The following CCNI variants were observed in gnomAD, a reference collection of about 807,000 sequenced individuals.
CCNI encodes the protein cyclin-I.
In CCNI, 14 loss-of-function variants were observed where a neutral mutation model predicts 34.1. The ratio of observed to expected loss-of-function variants is 0.41; its 90% CI spans 0.27 to 0.64. The LOEUF is 0.64. Ranked by LOEUF, CCNI falls within the 30% of genes least tolerant of loss-of-function variation. CCNI has a pLI of 0.31. For synonymous variants in CCNI, 154 were observed against 158.4 expected (o/e 0.97, Z 0.21); for missense variants, 385 against 440.5 (o/e 0.87, Z 1.13).
chr4:77,065,308 G>A (rs552380511), intron 2 of CCNI, among the ~76,000 whole-genome samples: 4 of 152,134 alleles, frequency 2.6e-5, no homozygotes, highest in African/African-American at 7.2e-5. Flanking sequence ...AAGAACATTT[G>A]ACCACTATTC....
In CCNI at chr4:77,075,520, C is replaced by T; in HGVS notation, c.-92G>A. 1.0e-6 allele frequency: 1 copy of T among 988,564 alleles called. No individual in the cohort carries two copies. Among genetic ancestry groups the T allele is most frequent in the Non-Finnish European group, 1.2e-6 (1 of 830,664 alleles). 61.2% of individuals were successfully genotyped at this position (988,564 alleles called of 1,614,324 possible). A position where few individuals can be genotyped will look rare whatever the true frequency, so the allele number is the denominator to read the frequency against. On this transcript the variant is annotated 5_prime_UTR_variant, in exon 1 of 7. Transcript: ENST00000237654. ...CCTCCTCCCCGGCAGAGCTGTAGGCCTCACAGTGGTGACGCGGGGTCATCC... is the reference window on the plus strand; with the variant it reads ...CCTCCTCCCCGGCAGAGCTGTAGGCTTCACAGTGGTGACGCGGGGTCATCC...
intron 1 of CCNI, among the ~76,000 whole-genome samples, chr4:77,072,927 T>C (rs4252790): frequency 6.6e-6 from 1 of 152,328 alleles, no homozygotes; most frequent in East Asian, 1.9e-4. Flanking sequence ...TAGTAAGACA[T>C]ACTATGATAC....
At position 77,047,945 on chromosome 4, in the gene CCNI, A is replaced by G. The variant is rs531385881; in HGVS notation, c.*274T>C. The G allele has an allele frequency of 2.9e-4, 82 of 285,280 alleles. No homozygotes were observed. Among genetic ancestry groups the G allele is most frequent in the African/African-American group, 1.7e-3 (79 of 46,056 alleles). 17.7% of individuals were successfully genotyped at this position (285,280 alleles called of 1,614,324 possible). On this transcript the variant is annotated 3_prime_UTR_variant, in exon 7 of 7. Transcript: ENST00000237654. ...AGCTACGTTACATTATGGCAGAAAA[A>G]AAGTGCAACTGACATACTACAAAGA...
In CCNI at chr4:77,068,004, C is replaced by T. The variant is rs908540284; in HGVS notation, c.-43-1599G>A. The stretch of plus-strand genomic sequence containing the variant: ...CAGCCTGACAAAACATGGTGAGACC[C>T]CCGTCTCTACTAAAAATACAAAACT... On this transcript the variant is annotated intron_variant, in intron 1 of 6. Transcript: ENST00000237654. 7.9e-5 allele frequency among the ~76,000 whole-genome samples: 12 copies of T among 151,796 alleles called. 2 individuals are homozygous for T. The highest frequency in any genetic ancestry group is 4.2e-4 in the South Asian group (2 of 4,810).
In CCNI at chr4:77,047,546, A is replaced by C. The variant is rs1340294652; in HGVS notation, c.*673T>G. The C allele has an allele frequency of 6.6e-6, 1 of 152,224 alleles. No homozygotes were observed. Among genetic ancestry groups the C allele is most frequent in the African/African-American group, 2.4e-5 (1 of 41,450 alleles). The allele number at this position is 152,224 out of a possible 1,614,324, so 9.4% of individuals were successfully genotyped here. On this transcript the variant is annotated 3_prime_UTR_variant, in exon 7 of 7. Transcript: ENST00000237654. ...GTCGAAAATGCTTTCAACAAACCTA[A>C]GTGTCCTAATTACATGCCACTTTTA...
intron 1 of CCNI, among the ~76,000 whole-genome samples, chr4:77,067,311 G>T (rs949251379): frequency 2.0e-5 from 3 of 152,062 alleles, no homozygotes; most frequent in African/African-American, 7.2e-5. Flanking sequence ...GTGGCTAGTG[G>T]ATACTATATC....
intron 2 of CCNI, among the ~76,000 whole-genome samples, chr4:77,061,773 C>T (rs996045483): frequency 1.1e-4 from 17 of 152,202 alleles, no homozygotes; most frequent in African/African-American, 3.6e-4. Flanking sequence ...AGGTTCACAC[C>T]ATTCTCCTGC....
At position 77,055,263 on chromosome 4, in the gene CCNI, G is replaced by C; in HGVS notation, c.577C>G (p.Gln193Glu). The C allele has an allele frequency of 1.2e-6, 2 of 1,614,030 alleles. No homozygotes were observed. The highest frequency in any genetic ancestry group is 1.7e-6 in the Non-Finnish European group (2 of 1,179,900). ...KQLLHCMACN[Q>E]LLQFRGSMLA... is the part of the protein sequence containing the mutation. The stretch of plus-strand genomic sequence containing the variant: ...ATGGATCCTCTGAATTGCAGAAGTT[G>C]GTTGCAGGCCATACAGTGAAGTAGT... Residue 193 changes from glutamine (Q) to glutamate (E), a missense_variant, in exon 6 of 7, where the codon CAA becomes GAA. By Grantham distance (29) the Gln-to-Glu change is conservative. Coordinates refer to ENST00000237654, the MANE Select transcript of CCNI (RefSeq NM_006835.3).
Position 77,056,010 on chromosome 4 carries a change from C to T in CCNI, c.411G>A (p.Lys137=). Residue 137 remains lysine, a synonymous_variant, in exon 5 of 7, where the codon AAG becomes AAA. Transcript: ENST00000237654. The part of the protein sequence containing the change: ...ILRMERIILD[K]LNWDLHTATP... ...TGGCTGTGTGAAGATCCCAATTCAA[C>T]TTATCCAGAATAATTCTCTCCATTC... The T allele has an allele frequency of 3.1e-6, 5 of 1,613,546 alleles. No homozygotes were observed. Among genetic ancestry groups the T allele is most frequent in the Admixed American group, 1.7e-5 (1 of 60,008 alleles).
chr4:77,069,943 G>A (rs941202435), intron 1 of CCNI, among the ~76,000 whole-genome samples: 6 of 151,192 alleles, frequency 4.0e-5, no homozygotes, highest in Non-Finnish European at 7.4e-5. Context: ...TGAAAACTTC[G>A]ATAGCTCCTC....
Position 77,066,337 on chromosome 4 carries a change from T to C in CCNI, c.26A>G (p.Asn9Ser). 9.9e-6 allele frequency: 16 copies of C among 1,613,872 alleles called. No homozygotes were observed. Among genetic ancestry groups the C allele is most frequent in the Non-Finnish European group, 1.3e-5 (15 of 1,179,756 alleles). ...TTCCAACAGGAAAGACAATCTCTGG[T>C]TTTCCAAAGGCCCTGGAAACTTCAT... MKFPGPLE[N>S]QRLSFLLEKA... is the part of the protein sequence containing the mutation. Residue 9 changes from asparagine to serine, a missense_variant, in exon 2 of 7, where the codon AAC (asparagine) becomes AGC (serine). Around this residue, in one of 2 missense-constraint regions of CCNI, gnomAD observed 135 missense variants for 191.8 expected, o/e 0.70. Transcript: ENST00000237654.
intron 6 of CCNI, among the ~76,000 whole-genome samples, chr4:77,048,973 T>G (rs1423952806): frequency 2.1e-5 from 3 of 144,430 alleles, no homozygotes; most frequent in South Asian, 2.3e-4. Flanking sequence ...TTTTTTTTTT[T>G]TTTTTTTTTT....
chr4:77,058,592 G>C lies in CCNI; in HGVS notation c.158C>G (p.Ala53Gly), dbSNP rs778738612. ...SQRDEVIQWLAKLKYQFNLYP... is the reference protein window; with the variant it reads ...SQRDEVIQWLGKLKYQFNLYP... Reference sequence around the variant, plus strand: ...AAGGTTGAATTGGTACTTGAGTTTGGCCAGCCATTGAATTACTTCATCTCT... The same window carrying C: ...AAGGTTGAATTGGTACTTGAGTTTGCCCAGCCATTGAATTACTTCATCTCT... The change falls in exon 3 of 7, where the codon GCC (alanine) becomes GGC (glycine). Residue 53 changes from alanine (A) to glycine (G), a missense_variant. Ala to Gly is a moderately conservative substitution (Grantham distance 60, BLOSUM62 0). Around this residue, in one of 2 missense-constraint regions of CCNI, gnomAD observed 135 missense variants for 191.8 expected, o/e 0.70. Coordinates refer to ENST00000237654, the MANE Select transcript of CCNI (RefSeq NM_006835.3). 1.2e-6 allele frequency: 2 copies of C among 1,613,234 alleles called. No individual in the cohort carries two copies. The highest frequency in any genetic ancestry group is 4.5e-5 in the East Asian group (2 of 44,858).
intron 1 of CCNI, among the ~76,000 whole-genome samples, chr4:77,072,551 T>G (rs1161705038): frequency 1.3e-5 from 2 of 148,468 alleles, no homozygotes; most frequent in Non-Finnish European, 3.0e-5. Flanking sequence ...GTGGGAGGAT[T>G]ACGTAAGCCC....
intron 1 of CCNI, among the ~76,000 whole-genome samples, chr4:77,073,726 A>G (rs542262546): frequency 2.6e-5 from 4 of 152,338 alleles, no homozygotes; most frequent in African/African-American, 9.6e-5. Context: ...GGATTTGTGC[A>G]GTTGTGCCCT....
At chr4:77,049,880 A>G (rs1727712631) in intron 6 of CCNI, among the ~76,000 whole-genome samples, 2 of 152,264 alleles carry the variant, frequency 1.3e-5, no homozygotes, top group Middle Eastern at 3.4e-3. Flanking sequence ...CCTGTAGTAA[A>G]GTGTCTCTCT....
chr4:77,052,593 G>A (rs1727941562), intron 6 of CCNI, among the ~76,000 whole-genome samples: 2 of 152,152 alleles, frequency 1.3e-5, no homozygotes, highest in African/African-American at 4.8e-5. Context: ...ACTAGTGAGA[G>A]TGGCCTCCTC....
intron 1 of CCNI, 56 bp downstream of exon 1, chr4:77,075,416 C>G (rs1187559972): frequency 2.6e-5 from 20 of 759,676 alleles, no homozygotes; most frequent in Non-Finnish European, 2.9e-5. Context: ...GGCCCCAGCG[C>G]GTCGACGCCG....
Position 77,075,661 on chromosome 4 carries a change from T to C in CCNI, c.-233A>G. 1.4e-6 allele frequency: 1 copy of C among 698,390 alleles called. No homozygotes were observed. The highest frequency in any genetic ancestry group is 1.8e-6 in the Non-Finnish European group (1 of 568,970). The allele number at this position is 698,390 out of a possible 1,614,324, so 43.3% of individuals were successfully genotyped here. A position where few individuals can be genotyped will look rare whatever the true frequency, so the allele number is the denominator to read the frequency against. On this transcript the variant is annotated 5_prime_UTR_variant, in exon 1 of 7. Transcript: ENST00000237654. The stretch of plus-strand genomic sequence containing the variant: ...GATCGGGGGGCGCGGGCGCGGGCGC[T>C]GGCGCTCGAGCGGGACGCACGGCTG...
Sources: allele counts gnomAD v4.1 joint callset (sites outside exome capture counted in the v4.1 genomes callset), GRCh38; gene constraint gnomAD v4.1.1; regional missense constraint gnomAD v4.1.1; transcripts MANE v1.5; gene names NCBI Gene and HGNC (gene_info 2026-07-23, HGNC 2026-07-21).